TUSC3: variants seen among roughly 807,000 people sequenced by gnomAD.
The protein encoded by TUSC3 is tumor suppressor candidate 3.
In TUSC3, 45 loss-of-function variants were observed where a neutral mutation model predicts 44.8. That is an observed-to-expected ratio of 1.00 (90% CI 0.79 to 1.29). The LOEUF (loss-of-function observed/expected upper bound fraction) is 1.29, where lower values mean the gene tolerates loss of function less well. TUSC3 is among the 50% of genes most tolerant of loss of function. The pLI is 0.00. For synonymous variants in TUSC3, 212 were observed against 152.9 expected, an observed-to-expected ratio of 1.39 and a Z score of -2.85; for missense variants, 519 against 437.9, an observed-to-expected ratio of 1.19 and a Z score of -1.65.
chr8:15,550,058 C>A (rs1257666044), intron 1 of TUSC3, among the ~76,000 whole-genome samples: 1 of 151,680 alleles, frequency 6.6e-6, no homozygotes, highest in Non-Finnish European at 1.5e-5. Flanking sequence ...GGGGGCTGCT[C>A]ACACCTGCAC....
intron 6 of TUSC3, among the ~76,000 whole-genome samples, chr8:15,725,279 A>G (rs1810455718): frequency 6.6e-6 from 1 of 152,166 alleles, no homozygotes; most frequent in Non-Finnish European, 1.5e-5. Context: ...TATATGTATT[A>G]CTGAACAACT....
At chr8:15,495,638 G>A (rs1475616884) in intron 2 of TUSC3, among the ~76,000 whole-genome samples, 4 of 152,082 alleles carry the variant, frequency 2.6e-5, no homozygotes, top group Non-Finnish European at 5.9e-5. Context: ...AATAAGCACA[G>A]CTCCCTTTGG....
intron 5 of TUSC3, 127 bp downstream of exon 5, chr8:15,662,423 T>C: frequency 7.5e-7 from 1 of 1,324,926 alleles, no homozygotes; most frequent in Non-Finnish European, 1.1e-6. Context: ...AGTAACTTTT[T>C]AGAACTTGGA....
chr8:15,665,761 A>AT (rs1041411103), intron 5 of TUSC3, among the ~76,000 whole-genome samples: 9 of 151,436 alleles, frequency 5.9e-5, no homozygotes, highest in African/African-American at 2.2e-4. Context: ...ATACGTTAGA[A>AT]TTTCCTGGTT....
At chr8:15,461,787 A>G (rs1444907702) in intron 1 of TUSC3, among the ~76,000 whole-genome samples, 1 of 152,010 alleles carries the variant, frequency 6.6e-6, no homozygotes, top group Admixed American at 6.6e-5. Flanking sequence ...CATTCAATGT[A>G]TATCAAATTA....
intron 6 of TUSC3, among the ~76,000 whole-genome samples, chr8:15,701,654 T>A (rs755602315): frequency 6.6e-6 from 1 of 152,112 alleles, no homozygotes; most frequent in East Asian, 1.9e-4. Context: ...AGAAAAACTT[T>A]GCAGTGTTTC....
At chr8:15,658,722 A>G (rs1339750711) in intron 3 of TUSC3, among the ~76,000 whole-genome samples, 1 of 151,638 alleles carries the variant, frequency 6.6e-6, no homozygotes, top group Non-Finnish European at 1.5e-5. Context: ...CATATATACA[A>G]ATATATATAT....
intron 5 of TUSC3, among the ~76,000 whole-genome samples, chr8:15,670,450 A>G (rs977193256): frequency 7.9e-5 from 12 of 152,022 alleles, no homozygotes; most frequent in African/African-American, 2.4e-4. Flanking sequence ...GTGAGTAAGT[A>G]TGGCATTTTT....
At chr8:15,810,615 G>A in the TUSC3 span, among the ~76,000 whole-genome samples, 1 of 151,878 alleles carries the variant, frequency 6.6e-6, no homozygotes, top group Admixed American at 6.6e-5. Flanking sequence ...TCTAGGCTGG[G>A]TAACAGAGCA....
At chr8:15,425,751 A>G (rs1216675971) in intron 1 of TUSC3, among the ~76,000 whole-genome samples, 3 of 152,222 alleles carry the variant, frequency 2.0e-5, no homozygotes, top group Admixed American at 2.0e-4. Context: ...AAATTTCTGC[A>G]CTAGTTAACC....
intron 1 of TUSC3, among the ~76,000 whole-genome samples, chr8:15,582,869 CT>C (rs1261741292): frequency 6.6e-6 from 1 of 152,176 alleles, no homozygotes; most frequent in East Asian, 1.9e-4. Flanking sequence ...AACACTTCTC[CT>C]TTTTAGAAGA....
chr8:15,639,478 C>G (rs547511690), intron 2 of TUSC3, among the ~76,000 whole-genome samples: 11 of 152,220 alleles, frequency 7.2e-5, no homozygotes, highest in African/African-American at 2.6e-4. Context: ...CTTTATTTCT[C>G]TAAAAATGCT....
intron 5 of TUSC3, among the ~76,000 whole-genome samples, chr8:15,662,526 C>G (rs935821764): frequency 6.6e-6 from 1 of 151,850 alleles, no homozygotes; most frequent in Non-Finnish European, 1.5e-5. Flanking sequence ...GGCACAAGTG[C>G]TAGATAAATA....
chr8:15,478,735 A>G (rs977274636), intron 1 of TUSC3, among the ~76,000 whole-genome samples: 1 of 152,268 alleles, frequency 6.6e-6, no homozygotes, highest in African/African-American at 2.4e-5. Context: ...AGTGCTGCAA[A>G]GAACATATGT....
chr8:15,646,004 C>T (rs144334929), intron 2 of TUSC3, among the ~76,000 whole-genome samples: 1 of 152,156 alleles, frequency 6.6e-6, no homozygotes, highest in African/African-American at 2.4e-5. Flanking sequence ...ATCATTATAC[C>T]TTTATTAAAT....
chr8:15,681,409 A>G (rs1293703571), intron 6 of TUSC3, among the ~76,000 whole-genome samples: 2 of 151,858 alleles, frequency 1.3e-5, no homozygotes, highest in South Asian at 2.1e-4. Context: ...GGAAGAGTGT[A>G]TGTTTCCAGG....
chr8:15,462,193 C>A (rs1281186459), intron 1 of TUSC3, among the ~76,000 whole-genome samples: 2 of 152,082 alleles, frequency 1.3e-5, no homozygotes, highest in African/African-American at 4.8e-5. Flanking sequence ...AAGCCTACTT[C>A]TGAGCACTTT....
intron 6 of TUSC3, among the ~76,000 whole-genome samples, chr8:15,726,977 C>T (rs1221292293): frequency 6.6e-6 from 1 of 151,956 alleles, no homozygotes; most frequent in Non-Finnish European, 1.5e-5. Context: ...AATGCATTGC[C>T]CTTAGTTAAA....
At chr8:15,449,643 A>G (rs1333869479) in intron 1 of TUSC3, among the ~76,000 whole-genome samples, 1 of 152,164 alleles carries the variant, frequency 6.6e-6, no homozygotes, top group Non-Finnish European at 1.5e-5. Flanking sequence ...CTTACCTCCC[A>G]TCCCACAGGA....
Sources: gnomAD v4.1 joint callset for allele counts (sites outside exome capture counted in the v4.1 genomes callset) on GRCh38, gnomAD v4.1.1 for gene constraint, MANE v1.5 for transcripts, NCBI Gene and HGNC (gene_info 2026-07-23, HGNC 2026-07-21) for gene names.